The following MICAL2 variants were observed in gnomAD, a reference collection of about 807,000 sequenced individuals.
MICAL2 encodes the protein microtubule associated monooxygenase, calponin and LIM domain containing 2.
MICAL2 carries 77 observed loss-of-function variants against 127.3 expected under a neutral mutation model. The observed-to-expected ratio is 0.60, with a 90% CI of 0.50 to 0.73. The LOEUF (loss-of-function observed/expected upper bound fraction) is 0.73, where lower values mean the gene tolerates loss of function less well. Among genes scored for constraint, MICAL2 ranks in the 30% least tolerant of loss-of-function variants. The pLI is 0.00. For missense variants in MICAL2, 1,351 were observed against 1,434.4 expected (o/e 0.94, Z 0.94); for synonymous variants, 570 against 551.1 (o/e 1.03, Z -0.48).
chr11:12,260,136 C>G, intron 26 of MICAL2: 2 of 1,533,376 alleles, frequency 1.3e-6, no homozygotes, highest in Non-Finnish European at 8.7e-7. Flanking sequence ...GCATCTGCAA[C>G]TGGGTGCTCA....
At chr11:12,328,577 C>T (rs553204584) in intron 32 of MICAL2, among the ~76,000 whole-genome samples, 16 of 152,128 alleles carry the variant, frequency 1.1e-4, no homozygotes, top group South Asian at 2.1e-4. Context: ...CCTACATTTT[C>T]GGAAATCTTC....
At chr11:12,340,794 C>T (rs1938851315) in intron 32 of MICAL2, among the ~76,000 whole-genome samples, 1 of 152,146 alleles carries the variant, frequency 6.6e-6, no homozygotes, top group Non-Finnish European at 1.5e-5. Context: ...TAGTATAATA[C>T]AATTTCACTA....
At chr11:12,162,531 A>C in intron 3 of MICAL2, 112 bp downstream of exon 3, 1 of 1,306,266 alleles carries the variant, frequency 7.7e-7, no homozygotes. Flanking sequence ...GTGGGTGTGA[A>C]TGTTGCATTG....
chr11:12,114,978 A>G (rs1406272270), intron 1 of MICAL2, among the ~76,000 whole-genome samples: 1 of 152,106 alleles, frequency 6.6e-6, no homozygotes, highest in Non-Finnish European at 1.5e-5. Context: ...TGACCATGTT[A>G]TGACCCAGAA....
intron 21 of MICAL2, among the ~76,000 whole-genome samples, chr11:12,244,759 T>C (rs898408106): frequency 2.0e-5 from 3 of 152,174 alleles, no homozygotes; most frequent in Admixed American, 6.5e-5. Context: ...CAGGCAGGGC[T>C]TACGTGACAT....
At chr11:12,280,667 C>T (rs984123967) in intron 1 of MICAL2, among the ~76,000 whole-genome samples, 7 of 152,210 alleles carry the variant, frequency 4.6e-5, no homozygotes, top group African/African-American at 1.4e-4. Flanking sequence ...GCCTAACAAC[C>T]TCATTTTACC....
At chr11:12,143,519 T>G (rs1052040133) in intron 2 of MICAL2, among the ~76,000 whole-genome samples, 20 of 152,188 alleles carry the variant, frequency 1.3e-4, no homozygotes, top group African/African-American at 4.8e-4. Context: ...TGGGGGCTCA[T>G]TTTCAGAGAG....
intron 2 of MICAL2, among the ~76,000 whole-genome samples, chr11:12,142,668 C>G (rs1852463290): frequency 6.6e-6 from 1 of 152,266 alleles, no homozygotes; most frequent in Non-Finnish European, 1.5e-5. Context: ...ATCTGGAGCA[C>G]TTTGCATTGG....
At chr11:12,278,577 G>C (rs937753742) in intron 1 of MICAL2, among the ~76,000 whole-genome samples, 5 of 152,212 alleles carry the variant, frequency 3.3e-5, no homozygotes, top group African/African-American at 1.2e-4. Context: ...AAGTAGAAGA[G>C]TAACATCTCA....
rs371411174 is a variant in MICAL2 at position 12,239,560 on chromosome 11, C to T, written c.2189C>T (p.Thr730Ile). 36 of 1,614,078 alleles carry T rather than the reference C, an allele frequency of 2.2e-5. No homozygotes were observed. Among genetic ancestry groups the T allele is most frequent in the African/African-American group, 1.2e-4 (9 of 74,942 alleles). The part of the protein sequence containing the change: ...NQLLAKFEES[T>I]RNPSLMKQER... Reference sequence around the variant, plus strand: ...CTGCTGGCCAAGTTTGAGGAGAGCACTCGGAACCCCTCACTCATGAAGCAG... The same window carrying T: ...CTGCTGGCCAAGTTTGAGGAGAGCATTCGGAACCCCTCACTCATGAAGCAG... The change falls in exon 17 of 28, where the codon ACT becomes ATT. Residue 730 changes from threonine to isoleucine, a missense_variant. Thr to Ile is a moderately conservative substitution (Grantham distance 89, BLOSUM62 -1). Coordinates refer to ENST00000683283, the MANE Select transcript of MICAL2 (RefSeq NM_001282663.2).
intron 21 of MICAL2, among the ~76,000 whole-genome samples, chr11:12,245,520 A>G (rs1860616655): frequency 6.6e-6 from 1 of 152,238 alleles, no homozygotes; most frequent in Non-Finnish European, 1.5e-5. Context: ...ATCTGAGGCC[A>G]CCAGTGTTAA....
chr11:12,330,559 G>C (rs1329070657), intron 32 of MICAL2, among the ~76,000 whole-genome samples: 2 of 152,192 alleles, frequency 1.3e-5, no homozygotes, highest in African/African-American at 4.8e-5. Flanking sequence ...GGAACATGCG[G>C]GGGTGCGGGA....
intron 12 of MICAL2, 94 bp downstream of exon 12, chr11:12,223,595 C>T: frequency 1.8e-6 from 2 of 1,114,340 alleles, no homozygotes; most frequent in South Asian, 2.5e-5. Context: ...GGCACTGCAA[C>T]CAGCCTGGCT....
At position 12,172,195 on chromosome 11, in the gene MICAL2, C is replaced by T. The variant is rs77403535; in HGVS notation, c.264+9776C>T. Among the ~76,000 whole-genome samples, 57 of 152,320 alleles carry T rather than the reference C, an allele frequency of 3.7e-4. No homozygotes were observed. The East Asian group carries it at 8.5e-3, about 23-fold the overall frequency. On this transcript the variant is annotated intron_variant, in intron 3 of 27. Transcript: ENST00000683283. ...TCTAGCTACATACATCTCTTTATCA[C>T]GCAGGCAAAAGTGTTCCCAGAAACT...
intron 16 of MICAL2, among the ~76,000 whole-genome samples, chr11:12,238,940 G>C (rs903325749): frequency 2.0e-5 from 3 of 152,070 alleles, no homozygotes; most frequent in Non-Finnish European, 4.4e-5. Flanking sequence ...AGAGGAGAAA[G>C]GAGAAAGATC....
intron 1 of MICAL2, among the ~76,000 whole-genome samples, chr11:12,135,714 GC>G (rs1406209444): frequency 6.6e-6 from 1 of 152,150 alleles, no homozygotes; most frequent in Non-Finnish European, 1.5e-5. Flanking sequence ...GTTCTTAACT[GC>G]CTCACTGGGT....
At chr11:12,137,725 C>T (rs151022219) in intron 1 of MICAL2, among the ~76,000 whole-genome samples, 4 of 152,218 alleles carry the variant, frequency 2.6e-5, no homozygotes, top group East Asian at 1.9e-4. Flanking sequence ...GTTTTTGTCC[C>T]TTTGAGGTTA....
intron 32 of MICAL2, among the ~76,000 whole-genome samples, chr11:12,340,873 G>A (rs985533522): frequency 6.6e-6 from 1 of 152,154 alleles, no homozygotes; most frequent in African/African-American, 2.4e-5. Context: ...AAAACAAAAA[G>A]TAATTTAAAA....
intron 2 of MICAL2, among the ~76,000 whole-genome samples, chr11:12,139,183 C>T (rs937310831): frequency 3.9e-5 from 6 of 152,200 alleles, no homozygotes; most frequent in Non-Finnish European, 5.9e-5. Flanking sequence ...AGGCCCTGGA[C>T]TTCCTGTCTG....
Sources: allele counts gnomAD v4.1 joint callset (sites outside exome capture counted in the v4.1 genomes callset), GRCh38; gene constraint gnomAD v4.1.1; transcripts MANE v1.5; gene names NCBI Gene and HGNC (gene_info 2026-07-23, HGNC 2026-07-21).